SLC13A3: variants seen among roughly 807,000 people sequenced by gnomAD.
SLC13A3 encodes solute carrier family 13 member 3.
SLC13A3 carries 40 observed loss-of-function variants against 59.0 expected under a neutral mutation model. The ratio of observed to expected loss-of-function variants is 0.68; its 90% CI spans 0.53 to 0.88. The LOEUF is 0.88. Among genes scored for constraint, SLC13A3 ranks in the 40% least tolerant of loss-of-function variants. The probability of loss-of-function intolerance (pLI) is 0.00; values close to 1 mark genes in which losing one functional copy is unlikely to be tolerated. For synonymous variants in SLC13A3, 317 were observed against 330.3 expected (o/e 0.96, Z 0.44); for missense variants, 699 against 783.2 (o/e 0.89, Z 1.28).
intron 8 of SLC13A3, chr20:46,585,792 G>C: frequency 7.8e-7 from 1 of 1,279,622 alleles, no homozygotes; most frequent in Non-Finnish European, 1.0e-6. Context: ...AAAATGGTAA[G>C]AGCAACAAGA....
At chr20:46,638,674 T>C (rs944075294) in intron 1 of SLC13A3, among the ~76,000 whole-genome samples, 1 of 152,220 alleles carries the variant, frequency 6.6e-6, no homozygotes, top group African/African-American at 2.4e-5. Flanking sequence ...TGCCCCTCTT[T>C]AGGCCTCAGT....
chr20:46,682,924 T>C (rs1270474891), intron 1 of SLC13A3, among the ~76,000 whole-genome samples: 1 of 152,114 alleles, frequency 6.6e-6, no homozygotes, highest in African/African-American at 2.4e-5. Flanking sequence ...TAGCCCTTTG[T>C]GAGAGGAACT....
intron 10 of SLC13A3, among the ~76,000 whole-genome samples, chr20:46,569,490 C>A (rs912559431): frequency 6.6e-6 from 1 of 152,144 alleles, no homozygotes. Context: ...ACTTCCTAGG[C>A]AAGTCACTTA....
upstream of SLC13A3, among the ~76,000 whole-genome samples, chr20:46,656,268 GTACAGTATATATTATACTGTATATA>G (rs2062990035): frequency 7.9e-6 from 1 of 126,146 alleles, no homozygotes. Flanking sequence ...TATATAGACT[GTACAGTATATATTATACTGTATATA>G]ATATACTATA....
intron 1 of SLC13A3, among the ~76,000 whole-genome samples, chr20:46,628,934 A>G (rs2425883): frequency 0.55 from 83,907 of 152,004 alleles, 23,488 homozygotes; most frequent in East Asian, 0.76. Context: ...ATTTTTGCAG[A>G]AAATCACTGA....
chr20:46,594,316 A>C (rs565312555), intron 5 of SLC13A3, among the ~76,000 whole-genome samples: 1 of 152,078 alleles, frequency 6.6e-6, no homozygotes, highest in East Asian at 1.9e-4. Context: ...TAGACATATA[A>C]AAAATATAAT....
chr20:46,663,994 A>G (rs1186759106), intron 1 of SLC13A3, among the ~76,000 whole-genome samples: 1 of 152,214 alleles, frequency 6.6e-6, no homozygotes, highest in African/African-American at 2.4e-5. Flanking sequence ...GCTGTTTCCC[A>G]ACACTCATTC....
intron 8 of SLC13A3, chr20:46,584,339 T>C (rs1281695514): frequency 2.4e-5 from 24 of 985,324 alleles, no homozygotes; most frequent in South Asian, 1.9e-4. Flanking sequence ...ACCCTGTAAA[T>C]TGTATTTTTA....
intron 3 of SLC13A3, among the ~76,000 whole-genome samples, chr20:46,605,843 G>A (rs1172226550): frequency 6.6e-6 from 1 of 152,182 alleles, no homozygotes; most frequent in Admixed American, 6.5e-5. Flanking sequence ...TCAGGAAAGA[G>A]TTCTTGTGTC....
At chr20:46,608,786 A>T in intron 3 of SLC13A3, 10 of 1,368,102 alleles carry the variant, frequency 7.3e-6, no homozygotes, top group South Asian at 1.8e-5. Context: ...CTATGGTTTC[A>T]TGGATAATGC....
intron 6 of SLC13A3, among the ~76,000 whole-genome samples, chr20:46,592,167 G>A (rs189999965): frequency 1.6e-3 from 237 of 152,214 alleles, no homozygotes; most frequent in South Asian, 4.1e-3. Flanking sequence ...TGCTATGATC[G>A]CACCACTGCA....
intron 1 of SLC13A3, among the ~76,000 whole-genome samples, chr20:46,637,860 C>T (rs2062809519): frequency 1.3e-5 from 2 of 152,134 alleles, no homozygotes; most frequent in Admixed American, 1.3e-4. Flanking sequence ...GGTGCTGTCC[C>T]TCCTCCTCCA....
intron 4 of SLC13A3, 76 bp downstream of exon 4, chr20:46,599,895 T>G: frequency 8.5e-7 from 1 of 1,174,426 alleles, no homozygotes; most frequent in Non-Finnish European, 1.2e-6. Flanking sequence ...GGAAAATGGT[T>G]TGCAGCATTG....
rs74176872 is a variant in SLC13A3 at position 46,626,097 on chromosome 20, T to TTCTCTCTCTCTCTCTCTCTCTCTC, written c.112-12396_112-12373dup. On this transcript the variant is annotated intron_variant, in intron 1 of 12. Transcript: ENST00000279027. Reference sequence around the variant, plus strand: ...TGCAAAGGTTGCTGTCAAAGCTGTATTCTCTCTCTCTCTCTCTCTCTCTCT... The same window carrying TTCTCTCTCTCTCTCTCTCTCTCTC: ...TGCAAAGGTTGCTGTCAAAGCTGTATTCTCTCTCTCTCTCTCTCTCTCTCTCTCTCTCTCTCTCTCTCTCTCTCT... Among the ~76,000 whole-genome samples, 42 of 145,880 alleles carry TTCTCTCTCTCTCTCTCTCTCTCTC rather than the reference T, an allele frequency of 2.9e-4. 1 individual carries two copies. Among genetic ancestry groups the TTCTCTCTCTCTCTCTCTCTCTCTC allele is most frequent in the African/African-American group, 1.0e-3 (39 of 38,628 alleles).
At chr20:46,585,555 T>A in intron 8 of SLC13A3, 1 of 1,050,204 alleles carries the variant, frequency 9.5e-7, no homozygotes, top group Non-Finnish European at 1.2e-6. Context: ...GCACCCATTT[T>A]AAGGGTATAG....
At chr20:46,670,434 C>T (rs1167007965), upstream of SLC13A3, among the ~76,000 whole-genome samples, 2 of 152,232 alleles carry the variant, frequency 1.3e-5, no homozygotes, top group Non-Finnish European at 2.9e-5. Flanking sequence ...CCCACACTGA[C>T]TCTGGGCTTG....
chr20:46,593,240 G>A (rs1396269820), intron 5 of SLC13A3, among the ~76,000 whole-genome samples: 1 of 152,208 alleles, frequency 6.6e-6, no homozygotes, highest in Non-Finnish European at 1.5e-5. Context: ...TTTCTGGAGA[G>A]GAATTTGGTA....
intron 1 of SLC13A3, among the ~76,000 whole-genome samples, chr20:46,660,551 GC>G (rs1296787373): frequency 6.6e-6 from 1 of 151,996 alleles, no homozygotes; most frequent in African/African-American, 2.4e-5. Context: ...TTTTATTCTG[GC>G]TACTTGTAAG....
At chr20:46,606,061 T>C (rs1175539493) in intron 3 of SLC13A3, among the ~76,000 whole-genome samples, 1 of 152,240 alleles carries the variant, frequency 6.6e-6, no homozygotes, top group African/African-American at 2.4e-5. Flanking sequence ...ACATCTACTA[T>C]GTACCAACAG....
Sources: gnomAD v4.1 joint callset for allele counts (sites outside exome capture counted in the v4.1 genomes callset) on GRCh38, gnomAD v4.1.1 for gene constraint, MANE v1.5 for transcripts, NCBI Gene and HGNC (gene_info 2026-07-23, HGNC 2026-07-21) for gene names.